Variants in GALNT13 observed in about 807,000 individuals in gnomAD.
GALNT13 encodes the protein polypeptide N-acetylgalactosaminyltransferase 13, also known as UDP-GalNAc:polypeptide N-acetylgalactosaminyltransferase 13.
A neutral mutation model predicts 64.2 loss-of-function variants in GALNT13; 28 were observed. The ratio of observed to expected loss-of-function variants is 0.44; its 90% confidence interval spans 0.32 to 0.60. The LOEUF (loss-of-function observed/expected upper bound fraction) is 0.60, where lower values mean the gene tolerates loss of function less well. Among genes scored for constraint, GALNT13 ranks in the 20% least tolerant of loss-of-function variants. The pLI is 0.05. For synonymous variants in GALNT13, 214 were observed against 224.6 expected, an observed-to-expected ratio of 0.95 and a Z score of 0.42; for missense variants, 577 against 669.8, an observed-to-expected ratio of 0.86 and a Z score of 1.53.
At chr2:153,813,468 C>T in the GALNT13 span, among the ~76,000 whole-genome samples, 1 of 152,100 alleles carries the variant, frequency 6.6e-6, no homozygotes, top group Non-Finnish European at 1.5e-5. Flanking sequence ...TAGCAGATCA[C>T]CCAGACCAAT....
chr2:154,374,266 C>T (rs1314279748), intron 9 of GALNT13, among the ~76,000 whole-genome samples: 1 of 152,106 alleles, frequency 6.6e-6, no homozygotes, highest in African/African-American at 2.4e-5. Flanking sequence ...TCTAGATCTC[C>T]CTTTGTTGAA....
intron 4 of GALNT13, among the ~76,000 whole-genome samples, chr2:154,170,443 G>C: frequency 6.6e-6 from 1 of 152,110 alleles, no homozygotes; most frequent in Non-Finnish European, 1.5e-5. Context: ...TGCTATCCAC[G>C]TTGTTTACAG....
intron 9 of GALNT13, among the ~76,000 whole-genome samples, chr2:154,314,414 T>C (rs956324694): frequency 1.3e-5 from 2 of 152,174 alleles, no homozygotes; most frequent in Non-Finnish European, 2.9e-5. Flanking sequence ...CTCTGGTGGA[T>C]TGCATTTGTT....
At chr2:153,189,681 G>A in the GALNT13 span, among the ~76,000 whole-genome samples, 509 of 152,176 alleles carry the variant, frequency 3.3e-3, 10 homozygotes, top group East Asian at 0.037. Context: ...TCCATACAGT[G>A]ATTCATAATG....
At chr2:153,978,213 G>A (rs533659481) in intron 3 of GALNT13, among the ~76,000 whole-genome samples, 1 of 152,132 alleles carries the variant, frequency 6.6e-6, no homozygotes, top group Non-Finnish European at 1.5e-5. Flanking sequence ...GGTCCTCAGG[G>A]TCAGAAACTT....
chr2:153,145,630 T>G, the GALNT13 span, among the ~76,000 whole-genome samples: 1 of 152,012 alleles, frequency 6.6e-6, no homozygotes, highest in Non-Finnish European at 1.5e-5. Context: ...CTGGCAGAGA[T>G]GGATTAGGTC....
the GALNT13 span, among the ~76,000 whole-genome samples, chr2:153,162,077 A>G: frequency 6.6e-6 from 1 of 152,148 alleles, no homozygotes; most frequent in South Asian, 2.1e-4. Context: ...AATCTTTGAC[A>G]TGAGATAAGG....
At chr2:153,689,801 G>A in the GALNT13 span, among the ~76,000 whole-genome samples, 1 of 152,048 alleles carries the variant, frequency 6.6e-6, no homozygotes, top group Admixed American at 6.6e-5. Context: ...AGTTTGCTTA[G>A]ATGTGTGTTG....
chr2:154,206,521 G>A (rs796732126), intron 4 of GALNT13, among the ~76,000 whole-genome samples: 24 of 151,978 alleles, frequency 1.6e-4, no homozygotes, highest in African/African-American at 5.1e-4. Flanking sequence ...GGGGTCGGGC[G>A]CGGTGGCTCA....
At chr2:153,378,204 A>T in the GALNT13 span, among the ~76,000 whole-genome samples, 1 of 152,088 alleles carries the variant, frequency 6.6e-6, no homozygotes, top group African/African-American at 2.4e-5. Flanking sequence ...TTCATAATGT[A>T]TTATACAGAG....
At chr2:154,054,044 A>G (rs1340535882) in intron 3 of GALNT13, among the ~76,000 whole-genome samples, 1 of 152,080 alleles carries the variant, frequency 6.6e-6, no homozygotes, top group African/African-American at 2.4e-5. Flanking sequence ...TGTATTTTAT[A>G]CTCACAATAT....
At chr2:153,661,402 T>A in the GALNT13 span, among the ~76,000 whole-genome samples, 1 of 152,152 alleles carries the variant, frequency 6.6e-6, no homozygotes, top group Non-Finnish European at 1.5e-5. Flanking sequence ...AGATTCACAG[T>A]GAGCTTTAAA....
At chr2:154,379,303 T>C (rs891322605) in intron 9 of GALNT13, among the ~76,000 whole-genome samples, 3 of 151,020 alleles carry the variant, frequency 2.0e-5, no homozygotes, top group East Asian at 3.9e-4. Flanking sequence ...CTTTCTCTAC[T>C]TTTTTTTAGA....
the GALNT13 span, among the ~76,000 whole-genome samples, chr2:153,610,077 A>G: frequency 6.6e-6 from 1 of 152,128 alleles, no homozygotes; most frequent in African/African-American, 2.4e-5. Flanking sequence ...GTGGGAGGAA[A>G]GTCCCAGAGA....
intron 4 of GALNT13, among the ~76,000 whole-genome samples, chr2:154,143,334 A>C (rs1683373490): frequency 6.6e-6 from 1 of 152,112 alleles, no homozygotes; most frequent in African/African-American, 2.4e-5. Flanking sequence ...ACAGGCCAGG[A>C]CCAGTACTGG....
chr2:153,287,632 T>C, the GALNT13 span, among the ~76,000 whole-genome samples: 59 of 152,086 alleles, frequency 3.9e-4, no homozygotes, highest in Non-Finnish European at 1.0e-4. Context: ...GAATTCCACA[T>C]AGTCCTGCTG....
the GALNT13 span, among the ~76,000 whole-genome samples, chr2:153,650,048 A>G: frequency 6.6e-6 from 1 of 152,064 alleles, no homozygotes; most frequent in African/African-American, 2.4e-5. Flanking sequence ...TGATCTGTCT[A>G]ATGTTGAAAG....
chr2:153,611,916 C>T, the GALNT13 span, among the ~76,000 whole-genome samples: 2 of 148,280 alleles, frequency 1.3e-5, no homozygotes, highest in Admixed American at 1.4e-4. Context: ...TCCATGTGTT[C>T]TCATTGTTCA....
chr2:154,387,685 C>T (rs1698580687), intron 9 of GALNT13, among the ~76,000 whole-genome samples: 1 of 152,116 alleles, frequency 6.6e-6, no homozygotes, highest in African/African-American at 2.4e-5. Context: ...ATTTGTTTTT[C>T]TGTGCCTGGT....
Sources: allele counts gnomAD v4.1 joint callset (sites outside exome capture counted in the v4.1 genomes callset), GRCh38; gene constraint gnomAD v4.1.1; transcripts MANE v1.5; gene names NCBI Gene and HGNC (gene_info 2026-07-23, HGNC 2026-07-21).